ACTR3C: variants seen among roughly 807,000 people sequenced by gnomAD.
The protein encoded by ACTR3C is actin-related protein 3C.
A neutral mutation model predicts 26.3 loss-of-function variants in ACTR3C; 18 were observed. That is an observed-to-expected ratio of 0.68 (90% CI 0.47 to 1.01). ACTR3C has a LOEUF of 1.01. Among genes scored for constraint, ACTR3C ranks in the 50% least tolerant of loss-of-function variants. The pLI is 0.00. For missense variants in ACTR3C, 184 were observed against 250.7 expected (o/e 0.73, Z 1.80); for synonymous variants, 55 against 94.5 (o/e 0.58, Z 2.42).
chr7:150,148,320 T>C, the ACTR3C span, among the ~76,000 whole-genome samples: 8 of 151,750 alleles, frequency 5.3e-5, no homozygotes, highest in African/African-American at 1.9e-4. Context: ...CTACTAAAAA[T>C]ACAAAAATTA....
the ACTR3C span, among the ~76,000 whole-genome samples, chr7:150,072,732 T>C: frequency 6.6e-6 from 1 of 152,168 alleles, no homozygotes. Context: ...CCACCCATGT[T>C]TCCGGGATCC....
At chr7:150,079,656 G>A in the ACTR3C span, among the ~76,000 whole-genome samples, 4 of 152,220 alleles carry the variant, frequency 2.6e-5, no homozygotes, top group East Asian at 7.7e-4. Context: ...TCATCCATGT[G>A]GACCACAGCT....
At chr7:150,088,230 T>C in the ACTR3C span, among the ~76,000 whole-genome samples, 1 of 152,238 alleles carries the variant, frequency 6.6e-6, no homozygotes, top group Non-Finnish European at 1.5e-5. Context: ...GTGCATTTGG[T>C]GTCACATCTA....
At chr7:150,108,979 C>T in the ACTR3C span, among the ~76,000 whole-genome samples, 1 of 151,804 alleles carries the variant, frequency 6.6e-6, no homozygotes, top group East Asian at 1.9e-4. Context: ...AGACCGCTGT[C>T]TAATGGACGG....
chr7:150,113,604 ACTT>A, the ACTR3C span, among the ~76,000 whole-genome samples: 1 of 152,212 alleles, frequency 6.6e-6, no homozygotes, highest in African/African-American at 2.4e-5. Context: ...ACTGCAATCT[ACTT>A]CTCCTCATTG....
the ACTR3C span, among the ~76,000 whole-genome samples, chr7:149,981,621 G>C: frequency 0.034 from 4,807 of 140,170 alleles, 203 homozygotes; most frequent in African/African-American, 0.095. Context: ...GTGGCAGAAG[G>C]GGGGGACAGC....
At chr7:150,291,723 C>CG (rs1025364731) in intron 3 of ACTR3C, among the ~76,000 whole-genome samples, 1 of 151,742 alleles carries the variant, frequency 6.6e-6, no homozygotes, top group African/African-American at 2.4e-5. Context: ...CAGGGGCCTA[C>CG]GGGGGCCTCA....
chr7:150,120,186 A>C, the ACTR3C span, among the ~76,000 whole-genome samples: 1 of 152,242 alleles, frequency 6.6e-6, no homozygotes, highest in Admixed American at 6.5e-5. Flanking sequence ...TAGAAAAGCA[A>C]GAGCAAACAC....
the ACTR3C span, among the ~76,000 whole-genome samples, chr7:150,135,331 T>G: frequency 2.6e-5 from 4 of 152,270 alleles, no homozygotes; most frequent in Non-Finnish European, 4.4e-5. Context: ...TGGTGTCATT[T>G]TCAACAGCCT....
the ACTR3C span, among the ~76,000 whole-genome samples, chr7:150,044,342 T>G: frequency 6.6e-6 from 1 of 152,180 alleles, no homozygotes; most frequent in Non-Finnish European, 1.5e-5. Context: ...ACAATGAATT[T>G]TAAATCAGAA....
the ACTR3C span, among the ~76,000 whole-genome samples, chr7:149,907,478 T>TTCTCTTCTCTCTCTCTA: frequency 1.0e-5 from 1 of 97,606 alleles, no homozygotes; most frequent in Non-Finnish European, 2.1e-5. Flanking sequence ...CTCTCTTCTC[T>TTCTCTTCTCTCTCTCTA]TCTCTCTCTC....
the ACTR3C span, among the ~76,000 whole-genome samples, chr7:150,032,081 T>C: frequency 0.012 from 1,802 of 152,294 alleles, 23 homozygotes; most frequent in Admixed American, 0.015. Context: ...GGAGCTGGTT[T>C]AAGTGGCAGT....
chr7:150,001,411 T>C, the ACTR3C span: 3 of 152,070 alleles, frequency 2.0e-5, no homozygotes, highest in African/African-American at 4.8e-5. Flanking sequence ...GACTTTGCCG[T>C]TCCTCCTGTG....
chr7:150,285,579 T>C (rs1228589614), intron 5 of ACTR3C, among the ~76,000 whole-genome samples: 2 of 152,220 alleles, frequency 1.3e-5, no homozygotes, highest in Non-Finnish European at 2.9e-5. Flanking sequence ...AAAGTGAGCA[T>C]TCACTAGATT....
At chr7:150,040,768 A>G in the ACTR3C span, 1 of 145,432 alleles carries the variant, frequency 6.9e-6, no homozygotes, top group Non-Finnish European at 1.5e-5. Flanking sequence ...CCAGTGGGGG[A>G]AGAGGGGCTG....
chr7:150,088,299 T>C, the ACTR3C span, among the ~76,000 whole-genome samples: 1 of 152,254 alleles, frequency 6.6e-6, no homozygotes, highest in Admixed American at 6.5e-5. Context: ...ATTGTACTTT[T>C]CAGAATTTTC....
the ACTR3C span, among the ~76,000 whole-genome samples, chr7:149,895,386 A>G: frequency 6.6e-6 from 1 of 150,680 alleles, no homozygotes; most frequent in African/African-American, 2.5e-5. Flanking sequence ...TGTAGAGTAC[A>G]TGTTATGTGC....
the ACTR3C span, among the ~76,000 whole-genome samples, chr7:150,173,025 T>C: frequency 1.3e-5 from 2 of 149,396 alleles, no homozygotes; most frequent in Non-Finnish European, 2.9e-5. Flanking sequence ...GCACTGAGTG[T>C]CTGCAGCTTT....
At chr7:150,117,111 C>T in the ACTR3C span, among the ~76,000 whole-genome samples, 1 of 152,188 alleles carries the variant, frequency 6.6e-6, no homozygotes, top group African/African-American at 2.4e-5. Context: ...CCCTTGGGTG[C>T]CTATATCACC....
Sources: allele counts gnomAD v4.1 joint callset (sites outside exome capture counted in the v4.1 genomes callset), GRCh38; gene constraint gnomAD v4.1.1; transcripts MANE v1.5; gene names NCBI Gene and HGNC (gene_info 2026-07-23, HGNC 2026-07-21).